The following ORC2 variants were observed in gnomAD, a reference collection of about 807,000 sequenced individuals.
The protein encoded by ORC2 is origin recognition complex subunit 2, also known as origin recognition complex protein 2 homolog.
ORC2 carries 37 observed loss-of-function variants against 77.7 expected under a neutral mutation model. That is an observed-to-expected ratio of 0.48 (90% CI 0.37 to 0.63). ORC2 has a LOEUF of 0.63. ORC2 is among the 20% of genes least tolerant of loss of function. The probability of loss-of-function intolerance (pLI) is 0.00; values close to 1 mark genes in which losing one functional copy is unlikely to be tolerated. For synonymous variants in ORC2, 201 were observed against 229.5 expected (o/e 0.88, Z 1.12); for missense variants, 557 against 661.9 (o/e 0.84, Z 1.74).
intron 5 of ORC2, among the ~76,000 whole-genome samples, chr2:200,947,004 G>A (rs1473481216): frequency 6.6e-6 from 1 of 152,084 alleles, no homozygotes; most frequent in Non-Finnish European, 1.5e-5. Flanking sequence ...CTGGGTTCAA[G>A]TGATTCTCCT....
intron 1 of ORC2, among the ~76,000 whole-genome samples, chr2:200,961,187 G>C (rs578144222): frequency 6.6e-6 from 1 of 151,558 alleles, no homozygotes; most frequent in African/African-American, 2.4e-5. Flanking sequence ...TGTTTTTGTG[G>C]GGTTTGTTTT....
intron 6 of ORC2, among the ~76,000 whole-genome samples, chr2:200,941,715 G>T (rs16836131): frequency 0.028 from 4,330 of 152,118 alleles, 217 homozygotes; most frequent in African/African-American, 0.099. Context: ...GTCCAGGAGC[G>T]GTGGCTCACG....
At position 200,963,477 on chromosome 2, in the gene ORC2, C is replaced by T; in HGVS notation, c.-60+13G>A. 2.5e-6 allele frequency: 1 copy of T among 398,700 alleles called. No individual in the cohort carries two copies. The highest frequency in any genetic ancestry group is 4.4e-6 in the Non-Finnish European group (1 of 226,110). The allele number at this position is 398,700 out of a possible 1,614,324, so 24.7% of individuals were successfully genotyped here. A position where few individuals can be genotyped will look rare whatever the true frequency, so the allele number is the denominator to read the frequency against. On this transcript the variant is annotated intron_variant, in intron 1 of 17. Coordinates refer to ENST00000234296, the MANE Select transcript of ORC2 (RefSeq NM_006190.5). ...AAAAGGGAGGCAGGCTGCCCCGACA[C>T]CCCACTACTCACCGCTAGGTTTCCG... is the stretch of plus-strand genomic sequence containing the variant.
At chr2:200,930,162 G>C (rs17383256) in intron 11 of ORC2, among the ~76,000 whole-genome samples, 1,719 of 151,980 alleles carry the variant, frequency 0.011, 16 homozygotes, top group Non-Finnish European at 0.017. Flanking sequence ...AGCAGAAACA[G>C]TATTTATGTG....
chr2:200,924,786 T>C (rs928516153), intron 13 of ORC2, among the ~76,000 whole-genome samples: 8 of 151,938 alleles, frequency 5.3e-5, no homozygotes, highest in African/African-American at 1.5e-4. Context: ...TTAGATAGAG[T>C]CTCACTCTAT....
At chr2:200,926,268 C>G (rs145753240) in intron 12 of ORC2, among the ~76,000 whole-genome samples, 1 of 152,208 alleles carries the variant, frequency 6.6e-6, no homozygotes, top group African/African-American at 2.4e-5. Context: ...ACACTACAGA[C>G]ACTTTAAAAA....
intron 13 of ORC2, among the ~76,000 whole-genome samples, chr2:200,922,563 T>C (rs2040778404): frequency 6.6e-6 from 1 of 150,548 alleles, no homozygotes; most frequent in Non-Finnish European, 1.5e-5. Context: ...AGAGTATAAG[T>C]CTTTCAGAGA....
chr2:200,921,130 AAAG>A lies in ORC2; in HGVS notation c.1154_1156del (p.Ser385del), dbSNP rs1442707298. On this transcript the variant is annotated inframe_deletion, in exon 14 of 18. Transcript: ENST00000234296. ...ATTGTGGATGAGAAGGAAGAGTTCT[AAAG>A]AAGAATCTAAAAAGAAAAGAAATCC... 1.9e-6 allele frequency: 3 copies of A among 1,583,298 alleles called. No homozygotes were observed. The highest frequency in any genetic ancestry group is 2.2e-5 in the East Asian group (1 of 44,544).
intron 7 of ORC2, among the ~76,000 whole-genome samples, chr2:200,940,606 G>A (rs544863026): frequency 1.3e-5 from 2 of 151,850 alleles, no homozygotes; most frequent in African/African-American, 2.4e-5. Flanking sequence ...GTTCAAGACC[G>A]GCCTGGCCAA....
rs1159617044 is a variant in ORC2 at position 200,910,975 on chromosome 2, T to TC, written c.*325dup. 5.3e-6 allele frequency: 1 copy of TC among 188,394 alleles called. No homozygotes were observed. Among genetic ancestry groups the TC allele is most frequent in the Non-Finnish European group, 1.1e-5 (1 of 89,948 alleles). 11.7% of individuals were successfully genotyped at this position (188,394 alleles called of 1,614,324 possible). On this transcript the variant is annotated 3_prime_UTR_variant, in exon 18 of 18. Coordinates refer to ENST00000234296, the MANE Select transcript of ORC2 (RefSeq NM_006190.5). ...GAGTGTTAAAAGGCCCTCAAAAAAT[T>TC]CAGAATATCTCTAAGTATAAAATAA... is the stretch of plus-strand genomic sequence containing the variant.
Position 200,913,430 on chromosome 2 carries a change from G to C in ORC2, c.1529-17C>G. The C allele has an allele frequency of 6.4e-7, 1 of 1,572,170 alleles. No individual in the cohort carries two copies. The highest frequency in any genetic ancestry group is 8.7e-7 in the Non-Finnish European group (1 of 1,154,550). ...AAGAAAGGCCTGGCAAGTTCAAAAG[G>C]ATATGAACATAAGTCAGCACTTAAG... On this transcript the variant is annotated splice_polypyrimidine_tract_variant and intron_variant, in intron 16 of 17. Coordinates refer to ENST00000234296, the MANE Select transcript of ORC2 (RefSeq NM_006190.5).
intron 10 of ORC2, 80 bp from the exon 11 acceptor site, chr2:200,931,528 T>C (rs531232051): frequency 8.2e-5 from 60 of 729,552 alleles, no homozygotes; most frequent in African/African-American, 4.7e-4. Context: ...TCCTTAGAAG[T>C]AGAGCTTAGA....
At chr2:200,933,226 ATTT>A (rs1196387811) in intron 10 of ORC2, among the ~76,000 whole-genome samples, 5 of 132,114 alleles carry the variant, frequency 3.8e-5, no homozygotes, top group African/African-American at 8.5e-5. Context: ...ACTGTATGGT[ATTT>A]TTTTTTTTTT....
chr2:200,926,662 C>T (rs1214732042), intron 12 of ORC2, 106 bp downstream of exon 12: 9 of 1,077,068 alleles, frequency 8.4e-6, no homozygotes, highest in Admixed American at 5.8e-5. Flanking sequence ...ATCCTACTAC[C>T]GTGAAGGCTA....
intron 11 of ORC2, among the ~76,000 whole-genome samples, chr2:200,929,915 T>C (rs2040910199): frequency 6.6e-6 from 1 of 152,200 alleles, no homozygotes; most frequent in African/African-American, 2.4e-5. Context: ...GGATTTCAGA[T>C]GAGTTTAATT....
At chr2:200,932,247 C>T (rs1006603708) in intron 10 of ORC2, among the ~76,000 whole-genome samples, 3 of 151,710 alleles carry the variant, frequency 2.0e-5, no homozygotes, top group African/African-American at 7.3e-5. Context: ...TCTTTTCCAG[C>T]AGTCATTTAC....
chr2:200,928,101 A>G (rs894523562), intron 11 of ORC2, among the ~76,000 whole-genome samples: 7 of 151,888 alleles, frequency 4.6e-5, no homozygotes, highest in African/African-American at 1.7e-4. Flanking sequence ...CACGCCTGTA[A>G]TCCCAGCACT....
At chr2:200,957,227 C>T (rs2125036489) in intron 4 of ORC2, among the ~76,000 whole-genome samples, 174 bp downstream of exon 4, 1 of 152,152 alleles carries the variant, frequency 6.6e-6, no homozygotes, top group Non-Finnish European at 1.5e-5. Flanking sequence ...AAACTATGTG[C>T]AGGACTGGTT....
At chr2:200,944,559 A>G (rs1031323636) in intron 5 of ORC2, among the ~76,000 whole-genome samples, 6 of 152,050 alleles carry the variant, frequency 3.9e-5, no homozygotes, top group African/African-American at 9.6e-5. Context: ...AGCACCAGGC[A>G]CAATGCCTAG....
Sources: gnomAD v4.1 joint callset for allele counts (sites outside exome capture counted in the v4.1 genomes callset) on GRCh38, gnomAD v4.1.1 for gene constraint, MANE v1.5 for transcripts, NCBI Gene and HGNC (gene_info 2026-07-23, HGNC 2026-07-21) for gene names.